KCTD2: variants seen among roughly 807,000 people sequenced by gnomAD.
KCTD2 encodes the protein potassium channel tetramerization domain containing 2, also known as BTB/POZ domain-containing protein KCTD2.
In KCTD2, 18 loss-of-function variants were observed where a neutral mutation model predicts 27.9. The observed-to-expected ratio is 0.64, with a 90% CI of 0.45 to 0.96. The LOEUF (loss-of-function observed/expected upper bound fraction) is 0.96, where lower values mean the gene tolerates loss of function less well. KCTD2 is among the 40% of genes least tolerant of loss of function. The pLI is 0.00. For missense variants in KCTD2, 280 were observed against 348.0 expected, an observed-to-expected ratio of 0.80 and a Z score of 1.56; for synonymous variants, 175 against 148.4, an observed-to-expected ratio of 1.18 and a Z score of -1.30.
intron 2 of KCTD2, among the ~76,000 whole-genome samples, chr17:75,052,459 C>T (rs1295881665): frequency 1.1e-4 from 17 of 152,286 alleles, no homozygotes; most frequent in Non-Finnish European, 2.4e-4. Flanking sequence ...GGTGGCTTTA[C>T]GCCTGTAATC....
chr17:75,042,367 G>A (rs2073170085), upstream of KCTD2: 1 of 1,507,550 alleles, frequency 6.6e-7, no homozygotes, highest in East Asian at 2.3e-5. Flanking sequence ...CCTATGGCCT[G>A]GAGGGTCACC....
In KCTD2 at chr17:75,047,239, CG is replaced by C. The variant is rs2073231610; in HGVS notation, c.-10del. On this transcript the variant is annotated 5_prime_UTR_variant, in exon 1 of 6. Transcript: ENST00000322444. ...TGCGCGCGGGCAGCAGCGGTGGCGG[CG>C]GCGGTCCAAGATGGCGGAACTGCAG... 2 of 713,190 alleles carry C rather than the reference CG, an allele frequency of 2.8e-6. No individual in the cohort carries two copies. Among genetic ancestry groups the C allele is most frequent in the Non-Finnish European group, 3.5e-6 (2 of 569,310 alleles). The allele number at this position is 713,190 out of a possible 1,614,324, so 44.2% of individuals were successfully genotyped here. A position where few individuals can be genotyped will look rare whatever the true frequency, so the allele number is the denominator to read the frequency against.
At chr17:75,042,747 T>G, upstream of KCTD2, 27 of 1,241,892 alleles carry the variant, frequency 2.2e-5, no homozygotes, top group Non-Finnish European at 2.6e-5. Context: ...TAAGAGCTCT[T>G]AGAGAGAATC....
At chr17:75,058,460 C>T (rs1168329903) in intron 3 of KCTD2, among the ~76,000 whole-genome samples, 1 of 149,044 alleles carries the variant, frequency 6.7e-6, no homozygotes, top group East Asian at 2.0e-4. Flanking sequence ...GCCAAGATCA[C>T]CCCACTGCAC....
At chr17:75,036,325 G>T (rs1213053099) in intron 3 of KCTD2, among the ~76,000 whole-genome samples, 43 of 150,854 alleles carry the variant, frequency 2.9e-4, no homozygotes. Context: ...GTTTCACCGT[G>T]TTAGCCAGGA....
chr17:75,039,037 T>C (rs1278323523), intron 3 of KCTD2: 5 of 1,614,092 alleles, frequency 3.1e-6, no homozygotes, highest in Admixed American at 1.7e-5. Context: ...TCTGATCAAA[T>C]GGAATTAAGT....
chr17:75,033,436 T>C (rs1478095353), intron 1 of KCTD2, among the ~76,000 whole-genome samples: 1 of 152,160 alleles, frequency 6.6e-6, no homozygotes, highest in African/African-American at 2.4e-5. Flanking sequence ...CTGGAAGAAC[T>C]TGTTCCCCCT....
At chr17:75,044,128 G>A (rs1217329330), upstream of KCTD2, among the ~76,000 whole-genome samples, 4 of 149,142 alleles carry the variant, frequency 2.7e-5, no homozygotes, top group Non-Finnish European at 5.9e-5. Flanking sequence ...AGGCTCAAGC[G>A]ATTCTCCTGC....
chr17:75,058,032 C>A (rs1262606922), intron 3 of KCTD2, among the ~76,000 whole-genome samples: 3 of 151,696 alleles, frequency 2.0e-5, no homozygotes, highest in Non-Finnish European at 2.9e-5. Context: ...ACTAAAAATC[C>A]AAAAAAATTG....
chr17:75,040,074 G>A lies in KCTD2; in HGVS notation c.-259+4717G>A, dbSNP rs367889953. The A allele has an allele frequency of 1.4e-5, 23 of 1,613,378 alleles. No homozygotes were observed. In the African/African-American group the frequency reaches 1.9e-4, roughly 13 times the overall value. On this transcript the variant is annotated intron_variant, in intron 3 of 7. Transcript: ENST00000581589. Reference sequence around the variant, plus strand: ...GATCAAGAGAATTTTAGAATAAGCAGGAGCCTCAACTACTTACATCTTCTT... The same window carrying A: ...GATCAAGAGAATTTTAGAATAAGCAAGAGCCTCAACTACTTACATCTTCTT...
chr17:75,032,952 G>A lies in KCTD2; in HGVS notation c.-470+228G>A, dbSNP rs2144899553. ...TAAGGGGAGGAGACAGGTTTCTGCA[G>A]ACTCTACATTTTGGAGAGAAACAGA... On this transcript the variant is annotated intron_variant, in intron 1 of 7. Transcript: ENST00000581589. The surrounding 1 kb of genome is among the most constrained non-coding windows in gnomAD (Gnocchi z 4.8). The A allele has an allele frequency of 6.6e-6, 1 of 152,340 alleles. No individual in the cohort carries two copies. Among genetic ancestry groups the A allele is most frequent in the Non-Finnish European group, 1.5e-5 (1 of 68,038 alleles). The allele number at this position is 152,340 out of a possible 1,614,324, so 9.4% of individuals were successfully genotyped here. A position where few individuals can be genotyped will look rare whatever the true frequency, so the allele number is the denominator to read the frequency against.
Position 75,063,409 on chromosome 17 carries a change from C to G in KCTD2, c.*362C>G. 1 of 285,220 alleles carries G rather than the reference C, an allele frequency of 3.5e-6. No individual in the cohort carries two copies. Among genetic ancestry groups the G allele is most frequent in the Non-Finnish European group, 6.8e-6 (1 of 146,584 alleles). 17.7% of individuals were successfully genotyped at this position (285,220 alleles called of 1,614,324 possible). ...GGAAATGGCCTGTACTTTAAGGACG[C>G]TGGAGCCAAGAGGATTGTTCCCGTG... On this transcript the variant is annotated 3_prime_UTR_variant, in exon 6 of 6. Coordinates refer to ENST00000322444, the MANE Select transcript of KCTD2 (RefSeq NM_015353.3).
intron 3 of KCTD2, among the ~76,000 whole-genome samples, chr17:75,053,361 ACTTTAGGT>A (rs2144931540): frequency 6.6e-6 from 1 of 152,220 alleles, no homozygotes; most frequent in African/African-American, 2.4e-5. Context: ...CGCCCAGGGC[ACTTTAGGT>A]CTAAAACCTG....
At chr17:75,062,743 C>CACACACACACACACAG (rs1325191013) in intron 5 of KCTD2, among the ~76,000 whole-genome samples, 5 of 146,088 alleles carry the variant, frequency 3.4e-5, no homozygotes, top group Non-Finnish European at 7.5e-5. Context: ...CACACACACA[C>CACACACACACACACAG]AGCTTCTAAA....
In KCTD2 at chr17:75,039,945, C is replaced by T. The variant is rs151161708; in HGVS notation, c.-259+4588C>T. 4.0e-4 allele frequency: 316 copies of T among 799,532 alleles called. 1 individual carries two copies. The highest frequency in any genetic ancestry group is 3.4e-3 in the Middle Eastern group (13 of 3,874). The allele number at this position is 799,532 out of a possible 1,614,324, so 49.5% of individuals were successfully genotyped here. A position where few individuals can be genotyped will look rare whatever the true frequency, so the allele number is the denominator to read the frequency against. On this transcript the variant is annotated intron_variant, in intron 3 of 7. Coordinates refer to the KCTD2 transcript ENST00000581589. ...CACTCCGCATAATTATTTTGAAATT[C>T]GTCCATGTTGTTGCATTTATTGACA...
chr17:75,036,127 C>G, intron 3 of KCTD2: 1 of 439,316 alleles, frequency 2.3e-6, no homozygotes, highest in Non-Finnish European at 4.6e-6. Context: ...GATCTCGGCT[C>G]ACTTCAAGCT....
intron 2 of KCTD2, among the ~76,000 whole-genome samples, chr17:75,051,692 T>C (rs1020354779): frequency 2.0e-5 from 3 of 151,916 alleles, no homozygotes; most frequent in African/African-American, 7.3e-5. Flanking sequence ...TATTTGAGAA[T>C]AGATTGCAGA....
At chr17:75,047,131 G>A (rs1348764570), upstream of KCTD2, 1 of 279,270 alleles carries the variant, frequency 3.6e-6, no homozygotes, top group Non-Finnish European at 6.5e-6. Flanking sequence ...CTGGTTGGGG[G>A]CGCTCCCGTC....
intron 2 of KCTD2, among the ~76,000 whole-genome samples, chr17:75,049,763 C>T (rs2073265659): frequency 6.6e-6 from 1 of 152,254 alleles, no homozygotes; most frequent in Non-Finnish European, 1.5e-5. Flanking sequence ...TTTTAAGACT[C>T]TGGCCTCATG....
Sources: gnomAD v4.1 joint callset for allele counts (sites outside exome capture counted in the v4.1 genomes callset) on GRCh38, gnomAD v4.1.1 for gene constraint, Gnocchi (gnomAD v3.1) non-coding constraint, MANE v1.5 for transcripts, NCBI Gene and HGNC (gene_info 2026-07-23, HGNC 2026-07-21) for gene names.